The following MS4A3 variants were observed in gnomAD, a reference collection of about 807,000 sequenced individuals.
The protein encoded by MS4A3 is membrane spanning 4-domains A3.
In MS4A3, 18 loss-of-function variants were observed where a neutral mutation model predicts 24.7. That is an observed-to-expected ratio of 0.73 (90% CI 0.50 to 1.08). The LOEUF is 1.08. MS4A3 is among the 50% of genes least tolerant of loss of function. The pLI is 0.00. For synonymous variants in MS4A3, 84 were observed against 95.3 expected (o/e 0.88, Z 0.69); for missense variants, 282 against 251.7 (o/e 1.12, Z -0.82).
chr11:60,064,975 C>T (rs1187141404), intron 4 of MS4A3, among the ~76,000 whole-genome samples: 1 of 152,140 alleles, frequency 6.6e-6, no homozygotes, highest in Non-Finnish European at 1.5e-5. Context: ...AAGCTGATCT[C>T]CCTACTTGAG....
chr11:60,069,407 A>G (rs1855436612), intron 5 of MS4A3, 167 bp from the exon 6 acceptor site: 5 of 495,438 alleles, frequency 1.0e-5, no homozygotes, highest in Admixed American at 3.8e-5. Flanking sequence ...TTTTAGATTG[A>G]GATACTATCT....
Position 60,066,922 on chromosome 11 carries a change from A to G in MS4A3, c.352-29A>G, listed in dbSNP as rs370865123. ...AAGGAATGAAGTACGTGCTGCATAT[A>G]TTAATTGAAAATTCTTATTCTTTTT... On this transcript the variant is annotated intron_variant, in intron 4 of 6. Transcript: ENST00000278865. The G allele has an allele frequency of 3.6e-5, 55 of 1,538,612 alleles. No homozygotes were observed. The African/African-American group carries it at 6.7e-4, about 19-fold the overall frequency.
chr11:60,057,515 C>T (rs1159272118), intron 1 of MS4A3, among the ~76,000 whole-genome samples: 1 of 152,158 alleles, frequency 6.6e-6, no homozygotes, highest in African/African-American at 2.4e-5. Context: ...AACAATTCTC[C>T]TGCCTCAGCC....
intron 1 of MS4A3, 181 bp from the exon 2 acceptor site, chr11:60,060,965 C>A (rs890001333): frequency 4.3e-6 from 2 of 470,370 alleles, no homozygotes; most frequent in Non-Finnish European, 7.2e-6. Context: ...ATGATGTCTA[C>A]TACTCCAAGG....
intron 2 of MS4A3, 29 bp from the exon 3 acceptor site, chr11:60,062,439 T>C (rs903216173): frequency 6.2e-7 from 1 of 1,613,820 alleles, no homozygotes; most frequent in African/African-American, 1.3e-5. Flanking sequence ...TATATGACTG[T>C]TACGCCTTTT....
intron 5 of MS4A3, among the ~76,000 whole-genome samples, chr11:60,068,864 C>G (rs1310089233): frequency 6.6e-6 from 1 of 152,102 alleles, no homozygotes; most frequent in Non-Finnish European, 1.5e-5. Context: ...GCCCCCCACC[C>G]CACGACAGGC....
rs773679329 is a variant in MS4A3 at position 60,061,231 on chromosome 11, C to T, written c.71C>T (p.Ala24Val). 3.7e-5 allele frequency: 60 copies of T among 1,613,374 alleles called. No homozygotes were observed. The highest frequency in any genetic ancestry group is 1.6e-4 in the Middle Eastern group (1 of 6,082). ...GCCCATGGTACCCCAGGCAGTGAGG[C>T]GGGACCAGAAGAGCTGAATACTTCT... Reference protein sequence around the residue: ...ASAHGTPGSEAGPEELNTSVY... With the variant: ...ASAHGTPGSEVGPEELNTSVY... The change falls in exon 2 of 7, where the codon GCG becomes GTG. Residue 24 changes from alanine to valine, a missense_variant. Transcript: ENST00000278865.
chr11:60,069,176 C>T (rs1456927733), intron 5 of MS4A3, among the ~76,000 whole-genome samples: 2 of 152,068 alleles, frequency 1.3e-5, no homozygotes, highest in Admixed American at 1.3e-4. Flanking sequence ...AATGTAAATG[C>T]CTAAACCCCT....
At chr11:60,068,492 T>G (rs931912803) in intron 5 of MS4A3, among the ~76,000 whole-genome samples, 1 of 150,920 alleles carries the variant, frequency 6.6e-6, no homozygotes, top group Non-Finnish European at 1.5e-5. Flanking sequence ...GACCTCGTGA[T>G]CCGCCCGCCT....
intron 5 of MS4A3, among the ~76,000 whole-genome samples, chr11:60,068,000 C>T (rs930084983): frequency 2.0e-5 from 3 of 151,570 alleles, no homozygotes; most frequent in Middle Eastern, 3.2e-3. Context: ...TGCGGTGAGC[C>T]GAGATTGCGC....
chr11:60,059,390 T>C (rs1938106678), intron 1 of MS4A3, among the ~76,000 whole-genome samples: 1 of 152,182 alleles, frequency 6.6e-6, no homozygotes, highest in South Asian at 2.1e-4. Flanking sequence ...CTATACTTTC[T>C]TTTTCAATAA....
chr11:60,059,344 G>A (rs1414045236), intron 1 of MS4A3, among the ~76,000 whole-genome samples: 1 of 151,948 alleles, frequency 6.6e-6, no homozygotes, highest in Non-Finnish European at 1.5e-5. Context: ...AATGGATCTA[G>A]TATATAATTT....
chr11:60,068,752 G>A (rs193196261), intron 5 of MS4A3, among the ~76,000 whole-genome samples: 45 of 152,042 alleles, frequency 3.0e-4, no homozygotes, highest in African/African-American at 9.9e-4. Context: ...CGTGCACAAC[G>A]TTCAGGTTTG....
intron 3 of MS4A3, among the ~76,000 whole-genome samples, 198 bp from the exon 4 acceptor site, chr11:60,064,064 A>G (rs1203269955): frequency 1.9e-5 from 2 of 105,160 alleles, no homozygotes; most frequent in African/African-American, 3.4e-5. Flanking sequence ...TTGCATGGAA[A>G]GACTAAATAA....
intron 1 of MS4A3, among the ~76,000 whole-genome samples, chr11:60,060,667 A>G (rs1450878531): frequency 1.3e-5 from 2 of 152,140 alleles, no homozygotes; most frequent in Non-Finnish European, 2.9e-5. Context: ...GGGAATAATA[A>G]TAATATTATA....
chr11:60,059,847 G>A (rs769409527), intron 1 of MS4A3, among the ~76,000 whole-genome samples: 4 of 152,112 alleles, frequency 2.6e-5, no homozygotes, highest in African/African-American at 4.8e-5. Context: ...GAACATTCAC[G>A]TGCATGTGTT....
chr11:60,058,694 T>C (rs1188944936), intron 1 of MS4A3, among the ~76,000 whole-genome samples: 1 of 151,680 alleles, frequency 6.6e-6, no homozygotes, highest in Non-Finnish European at 1.5e-5. Flanking sequence ...GATGGAGTTT[T>C]GAGATAGGGA....
Position 60,070,355 on chromosome 11 carries a change from A to G in MS4A3, c.*122A>G, listed in dbSNP as rs1855455512. ...GCTCGTAAAGCTCAATCCTTCTATC[A>G]TGGCACCAATCACAAGAACCTTGGA... On this transcript the variant is annotated 3_prime_UTR_variant, in exon 7 of 7. Coordinates refer to ENST00000278865, the MANE Select transcript of MS4A3 (RefSeq NM_006138.5). 4 of 745,760 alleles carry G rather than the reference A, an allele frequency of 5.4e-6. No homozygotes were observed. The highest frequency in any genetic ancestry group is 2.6e-5 in the East Asian group (1 of 37,846). The allele number at this position is 745,760 out of a possible 1,614,324, so 46.2% of individuals were successfully genotyped here. A position where few individuals can be genotyped will look rare whatever the true frequency, so the allele number is the denominator to read the frequency against.
At position 60,061,356 on chromosome 11, in the gene MS4A3, G is replaced by T. The variant is rs372306894; in HGVS notation, c.156+40G>T. 3.2e-6 allele frequency: 5 copies of T among 1,569,268 alleles called. No homozygotes were observed. The African/African-American group carries it at 6.8e-5, about 21-fold the overall frequency. On this transcript the variant is annotated intron_variant, in intron 2 of 6. Transcript: ENST00000278865. ...GTTTAAACACTGATTTAAGAGGGAA[G>T]AAAATAAATACAGTTGACCTGTGAA... is the stretch of plus-strand genomic sequence containing the variant.
Sources: allele counts gnomAD v4.1 joint callset (sites outside exome capture counted in the v4.1 genomes callset), GRCh38; gene constraint gnomAD v4.1.1; transcripts MANE v1.5; gene names NCBI Gene and HGNC (gene_info 2026-07-23, HGNC 2026-07-21).